Variants in STX17 observed in about 807,000 individuals in gnomAD.
The protein encoded by STX17 is syntaxin-17.
Under a neutral mutation model 35.9 loss-of-function variants are expected in STX17, and 29 were observed. That is an observed-to-expected ratio of 0.81 (90% confidence interval 0.60 to 1.10). The LOEUF (loss-of-function observed/expected upper bound fraction) is 1.10, where lower values mean the gene tolerates loss of function less well. Ranked by LOEUF, STX17 falls within the 50% of genes least tolerant of loss-of-function variation. STX17 has a pLI of 0.00. For synonymous variants in STX17, 92 were observed against 118.3 expected, an observed-to-expected ratio of 0.78 and a Z score of 1.44; for missense variants, 312 against 352.3, an observed-to-expected ratio of 0.89 and a Z score of 0.92.
At chr9:99,954,782 A>T (rs1250087134) in intron 4 of STX17, among the ~76,000 whole-genome samples, 1 of 152,108 alleles carries the variant, frequency 6.6e-6, no homozygotes, top group African/African-American at 2.4e-5. Context: ...ATGTTGCCAC[A>T]TTTCCATGAG....
chr9:99,913,241 A>C (rs530720526), intron 1 of STX17, among the ~76,000 whole-genome samples: 1 of 152,166 alleles, frequency 6.6e-6, no homozygotes, highest in African/African-American at 2.4e-5. Flanking sequence ...CATTTTAATT[A>C]TCAGTATATT....
intron 1 of STX17, among the ~76,000 whole-genome samples, chr9:99,911,322 C>G (rs1372018953): frequency 2.0e-5 from 3 of 152,112 alleles, no homozygotes; most frequent in African/African-American, 4.8e-5. Flanking sequence ...CATGAGCCAT[C>G]GCGCCTGACC....
chr9:99,958,217 C>T (rs955820210), intron 4 of STX17, among the ~76,000 whole-genome samples: 2 of 152,196 alleles, frequency 1.3e-5, no homozygotes, highest in Middle Eastern at 3.4e-3. Flanking sequence ...TTTGCTTCTC[C>T]TTCCACCCCT....
intron 6 of STX17, among the ~76,000 whole-genome samples, chr9:99,963,534 A>G (rs983515047): frequency 6.6e-6 from 1 of 152,170 alleles, no homozygotes; most frequent in Admixed American, 6.5e-5. Context: ...GCTTTATAAC[A>G]CTGATGGGAG....
At chr9:99,946,414 G>A (rs533312901) in intron 3 of STX17, among the ~76,000 whole-genome samples, 43 of 152,284 alleles carry the variant, frequency 2.8e-4, no homozygotes, top group African/African-American at 9.1e-4. Flanking sequence ...TAGAAGTACA[G>A]ATAATATCAG....
At position 99,951,394 on chromosome 9, in the gene STX17, T is replaced by C. The variant is rs111586063; in HGVS notation, c.415+109T>C. The C allele has an allele frequency of 6.6e-5, 61 of 921,066 alleles. No individual in the cohort carries two copies. The African/African-American group carries it at 8.6e-4, about 13-fold the overall frequency. The allele number at this position is 921,066 out of a possible 1,614,324, so 57.1% of individuals were successfully genotyped here. A position where few individuals can be genotyped will look rare whatever the true frequency, so the allele number is the denominator to read the frequency against. On this transcript the variant is annotated intron_variant, in intron 4 of 7. Coordinates refer to ENST00000259400, the MANE Select transcript of STX17 (RefSeq NM_017919.3). ...CTATAGGTCTTCAGAGACCATTCAC[T>C]ATCCCAATATGCTGAATCCTTGGAC...
At chr9:99,919,966 TG>T (rs1249488543) in intron 2 of STX17, among the ~76,000 whole-genome samples, 1 of 152,244 alleles carries the variant, frequency 6.6e-6, no homozygotes, top group Non-Finnish European at 1.5e-5. Context: ...ATTGTTAATC[TG>T]TGATTACAAT....
intron 2 of STX17, among the ~76,000 whole-genome samples, chr9:99,923,771 T>C (rs982595733): frequency 9.2e-5 from 14 of 152,152 alleles, no homozygotes; most frequent in African/African-American, 3.4e-4. Flanking sequence ...ACGATCCCTT[T>C]TTGGGCTTGA....
chr9:99,953,627 G>A (rs1829648685), intron 4 of STX17, among the ~76,000 whole-genome samples: 1 of 152,000 alleles, frequency 6.6e-6, no homozygotes, highest in African/African-American at 2.4e-5. Context: ...ATGTGATTAA[G>A]GGCTCATCTT....
chr9:99,949,486 C>T (rs1438101877), intron 3 of STX17, among the ~76,000 whole-genome samples: 1 of 151,812 alleles, frequency 6.6e-6, no homozygotes, highest in African/African-American at 2.4e-5. Flanking sequence ...ATTGCTGGCC[C>T]TATCGGAATA....
At chr9:99,908,093 TAAG>T (rs1440154284) in intron 1 of STX17, among the ~76,000 whole-genome samples, 1 of 152,240 alleles carries the variant, frequency 6.6e-6, no homozygotes, top group East Asian at 1.9e-4. Context: ...ACATTTTTGT[TAAG>T]AACACAAAAG....
intron 3 of STX17, among the ~76,000 whole-genome samples, chr9:99,942,375 G>C (rs1160941090): frequency 6.6e-6 from 1 of 152,086 alleles, no homozygotes; most frequent in Non-Finnish European, 1.5e-5. Context: ...GATATCTTCT[G>C]CCACTCAGTG....
rs1829775563 is a variant in STX17 at position 99,959,118 on chromosome 9, G to T, written c.416-799G>T. ...AAAAATATTAAACCTATTTATATAG[G>T]TACGTCTCCTTGGAACATTGGCCAA... On this transcript the variant is annotated intron_variant, in intron 4 of 7. Coordinates refer to ENST00000259400, the MANE Select transcript of STX17 (RefSeq NM_017919.3). Among the ~76,000 whole-genome samples, 3 of 152,128 alleles carry T rather than the reference G, an allele frequency of 2.0e-5. No homozygotes were observed. The South Asian group carries it at 6.2e-4, about 31-fold the overall frequency.
chr9:99,968,434 G>C lies in STX17; in HGVS notation c.670G>C (p.Ala224Pro), dbSNP rs1347101383. ...VEEGTKNLGK[A>P]AKYKLAALPV... ...AATTGAATTTTTTTTTTTTTTACAG[G>C]CTGCAAAATACAAGCTGGCAGCTCT... Residue 224 changes from alanine to proline, a missense_variant and splice_region_variant, in exon 8 of 8, where the codon GCT becomes CCT. Physicochemically the swap from Ala to Pro is conservative, Grantham distance 27. Transcript: ENST00000259400. 5 of 1,517,966 alleles carry C rather than the reference G, an allele frequency of 3.3e-6. No individual in the cohort carries two copies. The Admixed American group carries it at 1.1e-4, about 34-fold the overall frequency. 94.0% of individuals were successfully genotyped at this position (1,517,966 alleles called of 1,614,324 possible). A position where few individuals can be genotyped will look rare whatever the true frequency, so the allele number is the denominator to read the frequency against.
chr9:99,937,664 C>G (rs72746326), intron 3 of STX17, among the ~76,000 whole-genome samples: 6,792 of 152,142 alleles, frequency 0.045, 221 homozygotes, highest in Non-Finnish European at 0.068. Context: ...ATTGTAATAG[C>G]TATTTTTATA....
In STX17 at chr9:99,959,969, A is replaced by G. The variant is rs745426980; in HGVS notation, c.468A>G (p.Ile156Met). Reference sequence around the variant, plus strand: ...CTAGTTCTCAGAGTTTGACTCAGATATATGCCTTACCTGAAATTCCTCAAG... The same window carrying G: ...CTAGTTCTCAGAGTTTGACTCAGATGTATGCCTTACCTGAAATTCCTCAAG... ...AEASSQSLTQ[I>M]YALPEIPQDQ... Residue 156 changes from isoleucine to methionine, a missense_variant, in exon 5 of 8, where the codon ATA becomes ATG. Coordinates refer to ENST00000259400, the MANE Select transcript of STX17 (RefSeq NM_017919.3). The G allele has an allele frequency of 1.2e-6, 2 of 1,613,968 alleles. No individual in the cohort carries two copies. The highest frequency in any genetic ancestry group is 1.7e-6 in the Non-Finnish European group (2 of 1,179,996).
At chr9:99,951,742 A>C (rs557279277) in intron 4 of STX17, among the ~76,000 whole-genome samples, 1 of 151,976 alleles carries the variant, frequency 6.6e-6, no homozygotes, top group African/African-American at 2.4e-5. Context: ...TTAAGCCATC[A>C]TCTTCTGTGA....
rs1196927750 is a variant in STX17, at chr9:99,973,226, AC to A, written c.*4556del. ...TGCAATATTAAATTGAAAAAAAAAA[AC>A]CCATAAAAAGTGTCAAAGGCAAATA... On this transcript the variant is annotated 3_prime_UTR_variant, in exon 8 of 8. Transcript: ENST00000259400. Among the ~76,000 whole-genome samples the A allele has an allele frequency of 3.4e-5, 5 of 145,344 alleles. No individual in the cohort carries two copies. Among genetic ancestry groups the A allele is most frequent in the African/African-American group, 7.7e-5 (3 of 38,934 alleles).
At position 99,972,578 on chromosome 9, in the gene STX17, G is replaced by A. The variant is rs989259456; in HGVS notation, c.*3905G>A. Among the ~76,000 whole-genome samples, 8 of 152,152 alleles carry A rather than the reference G, an allele frequency of 5.3e-5. No homozygotes were observed. The highest frequency in any genetic ancestry group is 1.7e-4 in the African/African-American group (7 of 41,440). On this transcript the variant is annotated 3_prime_UTR_variant, in exon 8 of 8. Transcript: ENST00000259400. The stretch of plus-strand genomic sequence containing the variant: ...TGCATGAGTCCAGAAACTTCCTTCT[G>A]TGGGCTGCCTGCCTTCCTGCCCTCC...
Sources: allele counts gnomAD v4.1 joint callset (sites outside exome capture counted in the v4.1 genomes callset), GRCh38; gene constraint gnomAD v4.1.1; transcripts MANE v1.5; gene names NCBI Gene and HGNC (gene_info 2026-07-23, HGNC 2026-07-21).